The following PPM1F variants were observed in gnomAD, a reference collection of about 807,000 sequenced individuals.
PPM1F encodes protein phosphatase, Mg2+/Mn2+ dependent 1F.
In PPM1F, 17 loss-of-function variants were observed where a neutral mutation model predicts 35.5. That is an observed-to-expected ratio of 0.48 (90% CI 0.33 to 0.72). The LOEUF is 0.72. PPM1F is among the 30% of genes least tolerant of loss of function. The pLI is 0.02. For synonymous variants in PPM1F, 241 were observed against 255.5 expected (o/e 0.94, Z 0.54); for missense variants, 521 against 613.0 (o/e 0.85, Z 1.59).
intron 2 of PPM1F, among the ~76,000 whole-genome samples, chr22:21,940,902 A>T (rs1301571373): frequency 6.6e-6 from 1 of 152,044 alleles, no homozygotes; most frequent in East Asian, 1.9e-4. Flanking sequence ...TCTGTGTTTT[A>T]TTTATTTATT....
intron 7 of PPM1F, among the ~76,000 whole-genome samples, chr22:21,923,814 A>G (rs1601776083): frequency 6.7e-6 from 1 of 149,912 alleles, no homozygotes; most frequent in Non-Finnish European, 1.5e-5. Context: ...AGTAGCTGGG[A>G]TTACAGGCTC....
intron 6 of PPM1F, chr22:21,926,161 C>A (rs936113373): frequency 1.4e-5 from 2 of 143,016 alleles, no homozygotes; most frequent in African/African-American, 2.7e-5. Context: ...GAGACAGAGT[C>A]TCGCTCTGTC....
At chr22:21,926,935 C>A (rs926770598) in intron 6 of PPM1F, among the ~76,000 whole-genome samples, 1 of 152,298 alleles carries the variant, frequency 6.6e-6, no homozygotes, top group South Asian at 2.1e-4. Context: ...AAGGACCAGG[C>A]CTCTTTATGT....
At chr22:21,933,159 C>T (rs552733313) in intron 5 of PPM1F, among the ~76,000 whole-genome samples, 5 of 152,332 alleles carry the variant, frequency 3.3e-5, no homozygotes, top group South Asian at 4.1e-4. Flanking sequence ...AGACCCTCTG[C>T]GCCAGGCAGG....
chr22:21,935,025 G>A (rs5995269), intron 3 of PPM1F: 78,667 of 152,016 alleles, frequency 0.52, 21,050 homozygotes, highest in African/African-American at 0.66. Flanking sequence ...AACAATGAAG[G>A]CTGTTCACAT....
Position 21,922,326 on chromosome 22 carries a change from A to G in PPM1F, c.*766T>C, listed in dbSNP as rs1228844724. On this transcript the variant is annotated 3_prime_UTR_variant, in exon 8 of 8. Coordinates refer to ENST00000263212, the MANE Select transcript of PPM1F (RefSeq NM_014634.4). ...AGCTCTGCTTAAATTATATGACACAACAGGTCATCTTGGCACTGATAAAAC... is the reference window on the plus strand; with the variant it reads ...AGCTCTGCTTAAATTATATGACACAGCAGGTCATCTTGGCACTGATAAAAC... 2 of 152,608 alleles carry G rather than the reference A, an allele frequency of 1.3e-5. No homozygotes were observed. Among genetic ancestry groups the G allele is most frequent in the African/African-American group, 4.8e-5 (2 of 41,474 alleles). 9.5% of individuals were successfully genotyped at this position (152,608 alleles called of 1,614,324 possible).
intron 2 of PPM1F, chr22:21,941,216 C>T (rs1372602182): frequency 6.6e-6 from 1 of 152,392 alleles, no homozygotes; most frequent in Non-Finnish European, 1.5e-5. Flanking sequence ...ACCTGGCCGC[C>T]TTTGGTCTGT....
chr22:21,931,398 G>A, intron 5 of PPM1F, 107 bp from the exon 6 acceptor site: 1 of 1,144,926 alleles, frequency 8.7e-7, no homozygotes, highest in Non-Finnish European at 1.2e-6. Flanking sequence ...CCGTTACTGT[G>A]GTGAGGAATC....
chr22:21,929,517 G>GC, intron 6 of PPM1F, among the ~76,000 whole-genome samples: 1 of 152,336 alleles, frequency 6.6e-6, no homozygotes, highest in East Asian at 1.9e-4. Context: ...TTTGAACAGA[G>GC]CCCCCACTGG....
intron 2 of PPM1F, chr22:21,945,392 T>C (rs113498774): frequency 0.08 from 12,733 of 159,154 alleles, 598 homozygotes; most frequent in Middle Eastern, 0.14. Flanking sequence ...AAAATGCCCA[T>C]GTCCTTACAA....
At chr22:21,925,027 A>C (rs964080597) in intron 7 of PPM1F, 1 of 155,948 alleles carries the variant, frequency 6.4e-6, no homozygotes, top group African/African-American at 2.4e-5. Context: ...CCTTCTGAAT[A>C]GCTGGAATTA....
At chr22:21,943,351 G>C (rs541323307) in intron 2 of PPM1F, 2 of 152,364 alleles carry the variant, frequency 1.3e-5, no homozygotes, top group African/African-American at 4.8e-5. Context: ...CCACACCTGC[G>C]TGTGAAAGAA....
At position 21,938,335 on chromosome 22, in the gene PPM1F, T is replaced by A. The variant is rs2070685735; in HGVS notation, c.355+1197A>T. 25 of 1,203,816 alleles carry A rather than the reference T, an allele frequency of 2.1e-5. No individual in the cohort carries two copies. The South Asian group carries it at 3.7e-4, about 18-fold the overall frequency. 74.6% of individuals were successfully genotyped at this position (1,203,816 alleles called of 1,614,324 possible). A position where few individuals can be genotyped will look rare whatever the true frequency, so the allele number is the denominator to read the frequency against. The stretch of plus-strand genomic sequence containing the variant: ...CAGCTGCCACCGGCCGGAAGCCTGC[T>A]GGCTCGGCCGAGAACAATGGCCGCC... On this transcript the variant is annotated intron_variant, in intron 3 of 7. Coordinates refer to ENST00000263212, the MANE Select transcript of PPM1F (RefSeq NM_014634.4).
intron 6 of PPM1F, among the ~76,000 whole-genome samples, chr22:21,930,901 T>C (rs2070580943): frequency 6.6e-6 from 1 of 152,196 alleles, no homozygotes; most frequent in Non-Finnish European, 1.5e-5. Flanking sequence ...TGCACTGGGA[T>C]GCCTGTCAGT....
Position 21,923,336 on chromosome 22 carries a change from A to G in PPM1F, c.1121T>C (p.Leu374Pro). The change falls in exon 8 of 8, where the codon CTG becomes CCG. Residue 374 changes from leucine to proline, a missense_variant. Physicochemically the swap from Leu to Pro is moderately conservative, Grantham distance 98. Transcript: ENST00000263212. ...CTGCCTGGTCAGGTGGCTCTGGACC[A>G]GGCCAACAACTTCCTGGTGGGGTAC... ...DVVPHQEVVG[L>P]VQSHLTRQQG... 1 of 1,613,752 alleles carries G rather than the reference A, an allele frequency of 6.2e-7. No homozygotes were observed.
At position 21,922,377 on chromosome 22, in the gene PPM1F, C is replaced by T. The variant is rs189447810; in HGVS notation, c.*715G>A. On this transcript the variant is annotated 3_prime_UTR_variant, in exon 8 of 8. Transcript: ENST00000263212. ...AAAGAGAAAACCTGGAATACTGCTT[C>T]GGAATTAGACCTCCCTGGAAAAAAA... 1.4e-3 allele frequency: 208 copies of T among 152,638 alleles called. No individual in the cohort carries two copies. The highest frequency in any genetic ancestry group is 1.1e-3 in the Non-Finnish European group (78 of 68,034). The allele number at this position is 152,638 out of a possible 1,614,324, so 9.5% of individuals were successfully genotyped here.
At position 21,922,752 on chromosome 22, in the gene PPM1F, T is replaced by C; in HGVS notation, c.*340A>G. 1 of 238,808 alleles carries C rather than the reference T, an allele frequency of 4.2e-6. No homozygotes were observed. The highest frequency in any genetic ancestry group is 8.1e-6 in the Non-Finnish European group (1 of 124,190). The allele number at this position is 238,808 out of a possible 1,614,324, so 14.8% of individuals were successfully genotyped here. On this transcript the variant is annotated 3_prime_UTR_variant, in exon 8 of 8. Transcript: ENST00000263212. ...CCCCAGGGTCCCACGTGCACAACCATGCTGCCCCATGCACACCAGTGTCTT... is the reference window on the plus strand; with the variant it reads ...CCCCAGGGTCCCACGTGCACAACCACGCTGCCCCATGCACACCAGTGTCTT...
intron 2 of PPM1F, chr22:21,945,571 T>C: frequency 2.1e-6 from 1 of 468,900 alleles, no homozygotes; most frequent in Non-Finnish European, 3.8e-6. Context: ...GACTCTTCCC[T>C]GCAGCCTTTG....
At chr22:21,938,292 C>A (rs1024794548) in intron 3 of PPM1F, 30 of 1,262,206 alleles carry the variant, frequency 2.4e-5, no homozygotes, top group East Asian at 5.9e-5. Context: ...TTGGTGGGGC[C>A]GCAGAGCGGA....
Sources: gnomAD v4.1 joint callset for allele counts (sites outside exome capture counted in the v4.1 genomes callset) on GRCh38, gnomAD v4.1.1 for gene constraint, MANE v1.5 for transcripts, NCBI Gene and HGNC (gene_info 2026-07-23, HGNC 2026-07-21) for gene names.